DSCAM: variants seen among roughly 807,000 people sequenced by gnomAD.
DSCAM encodes DS cell adhesion molecule, also known as cell adhesion molecule DSCAM.
In DSCAM, 47 loss-of-function variants were observed where a neutral mutation model predicts 217.7. That is an observed-to-expected ratio of 0.22 (90% CI 0.17 to 0.28). The LOEUF (loss-of-function observed/expected upper bound fraction) is 0.28, where lower values mean the gene tolerates loss of function less well. DSCAM is among the 10% of genes least tolerant of loss of function. The pLI is 1.00. For missense variants in DSCAM, 2,080 were observed against 2,618.3 expected, an observed-to-expected ratio of 0.79 and a Z score of 4.49; for synonymous variants, 1,056 against 1,015.3, an observed-to-expected ratio of 1.04 and a Z score of -0.76.
rs2088806186 is a variant in DSCAM, at chr21:40,044,225, AG to A, written c.5235del (p.Tyr1746MetfsTer34). 1 of 1,614,004 alleles carries A rather than the reference AG, an allele frequency of 6.2e-7. No homozygotes were observed. Among genetic ancestry groups the A allele is most frequent in the Non-Finnish European group, 8.5e-7 (1 of 1,180,026 alleles). On this transcript the variant is annotated frameshift_variant, in exon 31 of 33. Transcript: ENST00000400454. LOFTEE classifies it high-confidence loss of function. ...NAKAGPTARN[R>X]YASQWTLNRP... ...CGGTTGAGGGTCCACTGGCTGGCAT[AG>A]CGGTTTCTCGCTGTGGGCCCAGCCT...
chr21:40,513,708 C>A (rs1326258338), intron 3 of DSCAM, among the ~76,000 whole-genome samples: 1 of 152,176 alleles, frequency 6.6e-6, no homozygotes, highest in East Asian at 1.9e-4. Flanking sequence ...TTCCACTATG[C>A]CCCACCTTCA....
chr21:40,315,506 G>A (rs894304840), intron 8 of DSCAM, among the ~76,000 whole-genome samples: 61 of 152,046 alleles, frequency 4.0e-4, no homozygotes, highest in African/African-American at 1.4e-3. Flanking sequence ...GGAAATATAT[G>A]CACATACAAA....
rs3069756 is a variant in DSCAM at position 40,163,070 on chromosome 21, AACACACACACACACAC to A, written c.3018+4132_3018+4147del. 5.6e-5 allele frequency among the ~76,000 whole-genome samples: 8 copies of A among 143,236 alleles called. No homozygotes were observed. In the South Asian group the frequency reaches 1.1e-3, roughly 20 times the overall value. 94.0% of individuals were successfully genotyped at this position (143,236 alleles called of 152,430 possible). On this transcript the variant is annotated intron_variant, in intron 16 of 32. Transcript: ENST00000400454. ...TTTTATTTTATGAGTGACCATGGCA[AACACACACACACACAC>A]ACACACACACACACACACACAAGCA...
intron 3 of DSCAM, among the ~76,000 whole-genome samples, chr21:40,493,508 T>G (rs1345328066): frequency 6.6e-6 from 1 of 152,158 alleles, no homozygotes; most frequent in Non-Finnish European, 1.5e-5. Flanking sequence ...AAAAATAATA[T>G]TAGCTACAAC....
intron 3 of DSCAM, among the ~76,000 whole-genome samples, chr21:40,382,840 A>G (rs2075040723): frequency 6.6e-6 from 1 of 152,242 alleles, no homozygotes. Flanking sequence ...CTTTGTAACA[A>G]AATGGTATTA....
intron 16 of DSCAM, among the ~76,000 whole-genome samples, chr21:40,149,168 C>T (rs2090392234): frequency 6.6e-6 from 1 of 151,912 alleles, no homozygotes; most frequent in South Asian, 2.1e-4. Context: ...TCCATCACTC[C>T]ATCACTATTC....
intron 3 of DSCAM, among the ~76,000 whole-genome samples, chr21:40,652,512 G>T (rs990389614): frequency 6.6e-6 from 1 of 152,134 alleles, no homozygotes; most frequent in African/African-American, 2.4e-5. Flanking sequence ...ACGAGCCCAT[G>T]GCTAACAGCA....
rs182629812 is a variant in DSCAM, at chr21:40,765,367, C to G, written c.44-56596G>C. ...GCACTTCCTCCTCCTCCTCTGCTTC[C>G]GTGGGGCCTTTTGGTCTCCATCATG... is the stretch of plus-strand genomic sequence containing the variant. On this transcript the variant is annotated intron_variant, in intron 1 of 32. Transcript: ENST00000400454. Among the ~76,000 whole-genome samples, 842 of 133,232 alleles carry G rather than the reference C, an allele frequency of 6.3e-3. 7 individuals are homozygous for G. The highest frequency in any genetic ancestry group is 0.02 in the African/African-American group (795 of 40,440). 87.4% of individuals were successfully genotyped at this position (133,232 alleles called of 152,430 possible).
At chr21:40,474,902 G>A (rs1261129400) in intron 3 of DSCAM, among the ~76,000 whole-genome samples, 1 of 152,104 alleles carries the variant, frequency 6.6e-6, no homozygotes, top group African/African-American at 2.4e-5. Context: ...ACCCAGTGCA[G>A]GCAGACCCAC....
At chr21:40,292,894 C>T (rs1209088756) in intron 10 of DSCAM, among the ~76,000 whole-genome samples, 7 of 151,958 alleles carry the variant, frequency 4.6e-5, no homozygotes, top group African/African-American at 1.5e-4. Context: ...CGCCACCACG[C>T]GTGGCTAATT....
At chr21:40,208,151 G>C (rs1232462971) in intron 11 of DSCAM, among the ~76,000 whole-genome samples, 1 of 152,112 alleles carries the variant, frequency 6.6e-6, no homozygotes, top group Non-Finnish European at 1.5e-5. Flanking sequence ...AATATTCCTG[G>C]TTCAAATTTG....
intron 1 of DSCAM, among the ~76,000 whole-genome samples, chr21:40,821,295 G>T (rs1165362079): frequency 6.6e-6 from 1 of 151,790 alleles, no homozygotes; most frequent in Non-Finnish European, 1.5e-5. Flanking sequence ...GTCCTTAAAA[G>T]CTTCTCACTG....
intron 4 of DSCAM, 64 bp from the exon 5 acceptor site, chr21:40,353,807 T>C (rs1017678563): frequency 2.2e-6 from 3 of 1,367,212 alleles, no homozygotes; most frequent in African/African-American, 1.5e-5. Context: ...TTTAGAATTG[T>C]AGGACTTCAT....
intron 11 of DSCAM, among the ~76,000 whole-genome samples, chr21:40,211,191 C>T (rs2091180268): frequency 6.6e-6 from 1 of 152,174 alleles, no homozygotes; most frequent in Admixed American, 6.5e-5. Flanking sequence ...TGTGTGTCAA[C>T]AGTTCATTTC....
rs564661884 is a variant in DSCAM at position 40,080,499 on chromosome 21, C to T, written c.4232-159G>A. Among the ~76,000 whole-genome samples, 3 of 152,240 alleles carry T rather than the reference C, an allele frequency of 2.0e-5. No individual in the cohort carries two copies. The South Asian group carries it at 6.2e-4, about 32-fold the overall frequency. On this transcript the variant is annotated intron_variant, in intron 24 of 32. Transcript: ENST00000400454. ...CTCTTTCTGATTCCAGGAAATGTAA[C>T]CCAGCCTGGGAGAAGCACCATGATG...
In DSCAM at chr21:40,245,596, T is replaced by C. The variant is rs1037573167; in HGVS notation, c.2356+30501A>G. 5.9e-5 allele frequency among the ~76,000 whole-genome samples: 9 copies of C among 152,216 alleles called. No homozygotes were observed. The East Asian group carries it at 1.5e-3, about 26-fold the overall frequency. ...TTTTGATGACATGAATCTCTGCTTT[T>C]CACCCTTTCAGGGTTGGTGCTGGCA... On this transcript the variant is annotated intron_variant, in intron 11 of 32. Coordinates refer to ENST00000400454, the MANE Select transcript of DSCAM (RefSeq NM_001389.5).
intron 18 of DSCAM, among the ~76,000 whole-genome samples, chr21:40,139,040 G>A (rs1367986655): frequency 1.4e-5 from 2 of 147,508 alleles, no homozygotes; most frequent in Non-Finnish European, 3.0e-5. Flanking sequence ...TGTGTAGTGT[G>A]TGTTGTGTGT....
At chr21:40,430,191 T>C (rs548415374) in intron 3 of DSCAM, among the ~76,000 whole-genome samples, 1 of 152,306 alleles carries the variant, frequency 6.6e-6, no homozygotes, top group African/African-American at 2.4e-5. Context: ...CTATTTTAGG[T>C]ACAGTTTTAG....
intron 4 of DSCAM, 50 bp from the exon 5 acceptor site, chr21:40,353,793 G>A: frequency 2.1e-6 from 3 of 1,429,414 alleles, no homozygotes; most frequent in Non-Finnish European, 2.7e-6. Flanking sequence ...AGTTGAAGTG[G>A]TCATTTAGAA....
Sources: gnomAD v4.1 joint callset for allele counts (sites outside exome capture counted in the v4.1 genomes callset) on GRCh38, gnomAD v4.1.1 for gene constraint, MANE v1.5 for transcripts, NCBI Gene and HGNC (gene_info 2026-07-23, HGNC 2026-07-21) for gene names.